The following UMAD1 variants were observed in gnomAD, a reference collection of about 807,000 sequenced individuals.
The protein encoded by UMAD1 is UBAP1-MVB12-associated (UMA)-domain containing protein 1.
A neutral mutation model predicts 6.1 loss-of-function variants in UMAD1; 8 were observed. The ratio of observed to expected loss-of-function variants is 1.30; its 90% CI spans 0.76 to 2.35. The LOEUF (loss-of-function observed/expected upper bound fraction) is 2.35, where lower values mean the gene tolerates loss of function less well. Ranked by LOEUF, UMAD1 falls within the 30% of genes most tolerant of loss-of-function variation. The pLI is 0.00. For missense variants in UMAD1, 130 were observed against 78.4 expected (o/e 1.66, Z -2.49); for synonymous variants, 56 against 31.4 (o/e 1.78, Z -2.61).
chr7:7,865,163 A>AG (rs958893150), intron 3 of UMAD1, among the ~76,000 whole-genome samples: 55 of 152,212 alleles, frequency 3.6e-4, no homozygotes, highest in African/African-American at 1.3e-3. Context: ...AACCTGGAGG[A>AG]GGGGGTTGTG....
chr7:7,873,914 G>T (rs776362554), intron 3 of UMAD1, among the ~76,000 whole-genome samples: 1 of 152,092 alleles, frequency 6.6e-6, no homozygotes. Flanking sequence ...AATACTGTCT[G>T]TTCTAATTTT....
chr7:7,787,164 T>G (rs113300405), intron 2 of UMAD1, among the ~76,000 whole-genome samples: 2 of 152,312 alleles, frequency 1.3e-5, no homozygotes, highest in African/African-American at 4.8e-5. Context: ...ATGAAGTAGG[T>G]CTAATTTCAA....
intron 1 of UMAD1, among the ~76,000 whole-genome samples, chr7:7,655,546 C>T (rs1465378777): frequency 2.0e-5 from 3 of 152,170 alleles, no homozygotes; most frequent in Non-Finnish European, 2.9e-5. Context: ...CTTCCAACTT[C>T]CTAAGTATTT....
chr7:7,769,643 A>G (rs1782063038), intron 2 of UMAD1, among the ~76,000 whole-genome samples: 1 of 152,154 alleles, frequency 6.6e-6, no homozygotes, highest in African/African-American at 2.4e-5. Context: ...GAGTGAAGGA[A>G]GACAGAGGGA....
rs1468284279 is a variant in UMAD1 at position 7,720,722 on chromosome 7, AG to A, written c.82+47273del. Among the ~76,000 whole-genome samples, 3 of 152,200 alleles carry A rather than the reference AG, an allele frequency of 2.0e-5. No homozygotes were observed. The East Asian group carries it at 5.8e-4, about 29-fold the overall frequency. ...TTATTTAAACATTTTTATTAAAACA[AG>A]GGGCATTTTACTGAAGAATTAAGAG... On this transcript the variant is annotated intron_variant, in intron 2 of 3. Transcript: ENST00000682710.
intron 2 of UMAD1, among the ~76,000 whole-genome samples, chr7:7,731,338 G>T (rs561459047): frequency 1.3e-5 from 2 of 152,058 alleles, no homozygotes; most frequent in African/African-American, 4.8e-5. Flanking sequence ...TTGTAGTAGT[G>T]CAGGGCATGG....
At chr7:7,664,499 C>T (rs1779388171) in intron 1 of UMAD1, among the ~76,000 whole-genome samples, 1 of 152,170 alleles carries the variant, frequency 6.6e-6, no homozygotes, top group South Asian at 2.1e-4. Flanking sequence ...TTATTTCTTC[C>T]CTTCTTTTGC....
intron 2 of UMAD1, among the ~76,000 whole-genome samples, chr7:7,732,947 C>G (rs1290519074): frequency 3.3e-5 from 5 of 152,114 alleles, no homozygotes; most frequent in Non-Finnish European, 4.4e-5. Flanking sequence ...CTAGTTGTTT[C>G]ATATTAAATT....
At chr7:7,717,024 C>T (rs986537458) in intron 2 of UMAD1, among the ~76,000 whole-genome samples, 1 of 151,760 alleles carries the variant, frequency 6.6e-6, no homozygotes, top group Non-Finnish European at 1.5e-5. Context: ...AGGGAGCTTT[C>T]CTCTTTCTTT....
At chr7:7,681,248 A>T (rs560999148) in intron 2 of UMAD1, among the ~76,000 whole-genome samples, 1 of 152,226 alleles carries the variant, frequency 6.6e-6, no homozygotes, top group South Asian at 2.1e-4. Flanking sequence ...TCCACTTGAG[A>T]ATACCTTTTC....
chr7:7,651,173 T>C (rs187548868), intron 1 of UMAD1, among the ~76,000 whole-genome samples: 6 of 152,320 alleles, frequency 3.9e-5, no homozygotes, highest in African/African-American at 1.4e-4. Context: ...TAAAAATATA[T>C]GGCTAAATCA....
chr7:7,704,766 C>CAAAA lies in UMAD1; in HGVS notation c.82+31337_82+31340dup, dbSNP rs71011001. On this transcript the variant is annotated intron_variant, in intron 2 of 3. Transcript: ENST00000682710. Reference sequence around the variant, plus strand: ...TGGGTGACAGAGCGAGACTCCATCTCAAAAAAAAAAAAAAAAAAAAAAAAA... The same window carrying CAAAA: ...TGGGTGACAGAGCGAGACTCCATCTCAAAAAAAAAAAAAAAAAAAAAAAAAAAAA... Among the ~76,000 whole-genome samples, 5 of 17,852 alleles carry CAAAA rather than the reference C, an allele frequency of 2.8e-4. 1 individual carries two copies. Among genetic ancestry groups the CAAAA allele is most frequent in the Non-Finnish European group, 4.0e-4 (4 of 10,042 alleles). The allele number at this position is 17,852 out of a possible 152,430, so 11.7% of individuals were successfully genotyped here. A position where few individuals can be genotyped will look rare whatever the true frequency, so the allele number is the denominator to read the frequency against.
chr7:7,671,128 A>G (rs980426379), intron 1 of UMAD1, among the ~76,000 whole-genome samples: 7 of 152,178 alleles, frequency 4.6e-5, no homozygotes, highest in Admixed American at 4.6e-4. Context: ...TTACTCTTTG[A>G]ATTGAGACCA....
chr7:7,816,364 A>G (rs1231939025), intron 3 of UMAD1, among the ~76,000 whole-genome samples: 1 of 152,204 alleles, frequency 6.6e-6, no homozygotes, highest in Non-Finnish European at 1.5e-5. Context: ...GAGGTCCACA[A>G]TAACTATATA....
At chr7:7,870,432 G>A (rs1288980896) in intron 3 of UMAD1, among the ~76,000 whole-genome samples, 2 of 152,106 alleles carry the variant, frequency 1.3e-5, no homozygotes, top group Non-Finnish European at 1.5e-5. Context: ...CTGAAATTTG[G>A]CTATTAACCA....
At chr7:7,714,853 C>CTTTTTT (rs1029148023) in intron 2 of UMAD1, among the ~76,000 whole-genome samples, 7 of 111,154 alleles carry the variant, frequency 6.3e-5, no homozygotes, top group African/African-American at 9.9e-5. Flanking sequence ...AAAAATTTTT[C>CTTTTTT]TTTTTTTTTT....
intron 2 of UMAD1, among the ~76,000 whole-genome samples, chr7:7,678,490 AAT>A (rs1390848822): frequency 1.4e-5 from 2 of 140,862 alleles, no homozygotes; most frequent in Admixed American, 7.3e-5. Flanking sequence ...ATTTATAGAT[AAT>A]ATATATTTAT....
intron 1 of UMAD1, among the ~76,000 whole-genome samples, chr7:7,667,100 C>T (rs184492756): frequency 7.5e-4 from 114 of 152,308 alleles, no homozygotes; most frequent in Middle Eastern, 3.4e-3. Context: ...TCAGCCACTG[C>T]GCCCGGCTGA....
chr7:7,727,225 A>G (rs747500227), intron 2 of UMAD1, among the ~76,000 whole-genome samples: 2 of 152,212 alleles, frequency 1.3e-5, no homozygotes, highest in Admixed American at 6.5e-5. Context: ...TGTTAAAAAC[A>G]TGCTTGTTCA....
Sources: gnomAD v4.1 joint callset for allele counts (sites outside exome capture counted in the v4.1 genomes callset) on GRCh38, gnomAD v4.1.1 for gene constraint, MANE v1.5 for transcripts, NCBI Gene and HGNC (gene_info 2026-07-23, HGNC 2026-07-21) for gene names.